Variants in SLC8A1 observed in about 807,000 individuals in gnomAD.
The protein encoded by SLC8A1 is sodium/calcium exchanger 1.
In SLC8A1, 18 loss-of-function variants were observed where a neutral mutation model predicts 68.3. The observed-to-expected ratio is 0.26, with a 90% confidence interval of 0.18 to 0.39. SLC8A1 has a LOEUF of 0.39. SLC8A1 is among the 10% of genes least tolerant of loss of function. The pLI, the probability that SLC8A1 is intolerant of heterozygous loss-of-function variation, is 1.00. For synonymous variants in SLC8A1, 475 were observed against 415.5 expected, an observed-to-expected ratio of 1.14 and a Z score of -1.74; for missense variants, 985 against 1,156.7, an observed-to-expected ratio of 0.85 and a Z score of 2.15.
At chr2:40,384,740 T>A (rs750915435) in intron 2 of SLC8A1, among the ~76,000 whole-genome samples, 5 of 152,130 alleles carry the variant, frequency 3.3e-5, no homozygotes, top group Non-Finnish European at 7.4e-5. Flanking sequence ...AACCAAAAAA[T>A]ATTTAAAAAC....
chr2:40,114,390 G>A (rs755084322), exon 8 of SLC8A1: 1 of 152,850 alleles, frequency 6.5e-6, no homozygotes, highest in Non-Finnish European at 1.5e-5. Context: ...TTTGCATAGG[G>A]GATGGCAGGT....
chr2:40,369,375 C>T (rs78516150), intron 2 of SLC8A1, among the ~76,000 whole-genome samples: 4,249 of 152,114 alleles, frequency 0.028, 81 homozygotes, highest in Non-Finnish European at 0.042. Flanking sequence ...ATATGAAAAC[C>T]ATTAGCGGAA....
chr2:40,208,420 A>AGAT (rs2055909120), intron 2 of SLC8A1: 1 of 152,196 alleles, frequency 6.6e-6, no homozygotes, highest in South Asian at 2.1e-4. Context: ...ATCTGAAGTC[A>AGAT]GATGCATACT....
intron 2 of SLC8A1, among the ~76,000 whole-genome samples, chr2:40,343,147 A>T (rs1668237570): frequency 6.6e-6 from 1 of 152,150 alleles, no homozygotes; most frequent in Admixed American, 6.6e-5. Flanking sequence ...ACTTGGGCAA[A>T]AATTACTTAA....
At chr2:40,114,839 A>G (rs991651897) in exon 8 of SLC8A1, 1 of 152,584 alleles carries the variant, frequency 6.6e-6, no homozygotes, top group Non-Finnish European at 1.5e-5. Flanking sequence ...TTACATTTGG[A>G]TGGTTTCACT....
intron 2 of SLC8A1, among the ~76,000 whole-genome samples, chr2:40,310,045 T>C (rs2073393840): frequency 6.6e-6 from 1 of 152,214 alleles, no homozygotes; most frequent in South Asian, 2.1e-4. Flanking sequence ...TTCATATAAA[T>C]GGAATCATAC....
chr2:40,119,682 C>T lies in SLC8A1; in HGVS notation c.2438-4053G>A, dbSNP rs564305065. 3.3e-5 allele frequency among the ~76,000 whole-genome samples: 5 copies of T among 152,316 alleles called. 1 individual carries two copies. In the South Asian group the frequency reaches 1.0e-3, roughly 32 times the overall value. On this transcript the variant is annotated intron_variant, in intron 7 of 7. Coordinates refer to ENST00000406785, the Ensembl canonical transcript of SLC8A1. Reference sequence around the variant, plus strand: ...AACTTTTATATATGGATCAGATTTCCAATGCGATTGACACAAAATATGTTG... The same window carrying T: ...AACTTTTATATATGGATCAGATTTCTAATGCGATTGACACAAAATATGTTG...
intron 1 of SLC8A1, among the ~76,000 whole-genome samples, chr2:40,444,761 G>A (rs1401433336): frequency 6.6e-6 from 1 of 152,172 alleles, no homozygotes; most frequent in South Asian, 2.1e-4. Flanking sequence ...AACATTTTAT[G>A]GAACACAGCC....
intron 2 of SLC8A1, among the ~76,000 whole-genome samples, chr2:40,403,425 C>T (rs535433148): frequency 1.2e-4 from 18 of 152,262 alleles, no homozygotes; most frequent in East Asian, 7.7e-4. Flanking sequence ...ATTCCCCATC[C>T]GCCACCCTCT....
chr2:40,224,202 G>A (rs779169645), intron 2 of SLC8A1, among the ~76,000 whole-genome samples: 3 of 152,078 alleles, frequency 2.0e-5, no homozygotes, highest in Non-Finnish European at 2.9e-5. Flanking sequence ...AATAGCAAAC[G>A]TATAGGCTTG....
chr2:40,456,827 T>C (rs1226823448), upstream of SLC8A1, among the ~76,000 whole-genome samples: 3 of 152,234 alleles, frequency 2.0e-5, no homozygotes, highest in East Asian at 1.9e-4. Flanking sequence ...ATTATTGATA[T>C]TGATTATGCT....
In SLC8A1 at chr2:40,295,990, C is replaced by T. The variant is rs900766220; in HGVS notation, c.1809-118135G>A. Among the ~76,000 whole-genome samples, 8 of 152,080 alleles carry T rather than the reference C, an allele frequency of 5.3e-5. No homozygotes were observed. In the East Asian group the frequency reaches 7.7e-4, roughly 15 times the overall value. On this transcript the variant is annotated intron_variant, in intron 2 of 7. Coordinates refer to ENST00000406785, the Ensembl canonical transcript of SLC8A1. ...GGTATAGAGAGAAAGGCATTTCTAG[C>T]GCCCAGGCACCACAATGAGAATTTG...
chr2:40,138,443 T>A (rs754679611), intron 7 of SLC8A1, among the ~76,000 whole-genome samples: 1 of 152,222 alleles, frequency 6.6e-6, no homozygotes, highest in Non-Finnish European at 1.5e-5. Flanking sequence ...TCTACTGTAA[T>A]GCTTGTCCTT....
At position 40,148,400 on chromosome 2, in the gene SLC8A1, C is replaced by A. The variant is rs62150902; in HGVS notation, c.2162-8724G>T. 4.9e-3 allele frequency among the ~76,000 whole-genome samples: 745 copies of A among 152,320 alleles called. 1 individual carries two copies. The highest frequency in any genetic ancestry group is 0.01 in the Middle Eastern group (3 of 294). ...CAATGACAATAACACTCTCATAACT[C>A]TTTTCCTGATCTCAGGATCTCCTGA... On this transcript the variant is annotated intron_variant, in intron 6 of 7. Transcript: ENST00000406785.
rs564301121 is a variant in SLC8A1, at chr2:40,177,171, T to C, written c.1912+581A>G. 1.1e-4 allele frequency among the ~76,000 whole-genome samples: 17 copies of C among 152,300 alleles called. No individual in the cohort carries two copies. In the South Asian group the frequency reaches 2.1e-3, roughly 19 times the overall value. ...CTTTTAAATGTTGTATTTGATGATA[T>C]AAAAATATGCTAAAATGAGCACTAG... On this transcript the variant is annotated intron_variant, in intron 3 of 7. Transcript: ENST00000406785.
chr2:40,115,466 G>A (rs2035140953), exon 8 of SLC8A1: 4 of 1,614,160 alleles, frequency 2.5e-6, no homozygotes, highest in African/African-American at 2.7e-5. Flanking sequence ...GTGTGCCAGG[G>A]GACACTTTGA....
intron 2 of SLC8A1, among the ~76,000 whole-genome samples, chr2:40,234,638 T>A (rs1163824145): frequency 6.6e-6 from 1 of 152,226 alleles, no homozygotes; most frequent in Non-Finnish European, 1.5e-5. Flanking sequence ...AACAATATGT[T>A]GAATAGGAGT....
chr2:40,213,534 C>T (rs2056968541), intron 2 of SLC8A1: 2 of 152,168 alleles, frequency 1.3e-5, no homozygotes, highest in African/African-American at 4.8e-5. Context: ...GAAAGGGGCA[C>T]CAGCAGTAGC....
intron 1 of SLC8A1, among the ~76,000 whole-genome samples, chr2:40,475,816 C>A (rs1576635108): frequency 6.6e-6 from 1 of 151,928 alleles, no homozygotes; most frequent in Admixed American, 6.6e-5. Context: ...ATGAAATAAA[C>A]CCTAGGGCAT....
Sources: gnomAD v4.1 joint callset for allele counts (sites outside exome capture counted in the v4.1 genomes callset) on GRCh38, gnomAD v4.1.1 for gene constraint, MANE v1.5 for transcripts, NCBI Gene and HGNC (gene_info 2026-07-23, HGNC 2026-07-21) for gene names.